NEDD4L: variants seen among roughly 807,000 people sequenced by gnomAD.
The protein encoded by NEDD4L is E3 ubiquitin-protein ligase NEDD4-like.
Under a neutral mutation model 148.9 loss-of-function variants are expected in NEDD4L, and 54 were observed. That is an observed-to-expected ratio of 0.36 (90% CI 0.29 to 0.45). NEDD4L has a LOEUF of 0.45. Among genes scored for constraint, NEDD4L ranks in the 20% least tolerant of loss-of-function variants. The pLI, the probability that NEDD4L is intolerant of heterozygous loss-of-function variation, is 1.00. For missense variants in NEDD4L, 856 were observed against 1,233.8 expected (o/e 0.69, Z 4.59); for synonymous variants, 433 against 440.7 (o/e 0.98, Z 0.22).
intron 17 of NEDD4L, 96 bp from the exon 18 acceptor site, chr18:58,350,895 A>G: frequency 1.1e-6 from 1 of 889,612 alleles, no homozygotes; most frequent in Non-Finnish European, 1.8e-6. Context: ...AGAAAAGAGT[A>G]CAGAGGTGTT....
intron 1 of NEDD4L, among the ~76,000 whole-genome samples, chr18:58,088,265 G>A (rs922968884): frequency 5.3e-5 from 8 of 152,298 alleles, no homozygotes; most frequent in East Asian, 3.9e-4. Context: ...TGGGTTACAC[G>A]TCAGCATTAT....
chr18:58,117,836 C>G (rs1236862656), intron 1 of NEDD4L, among the ~76,000 whole-genome samples: 2 of 152,208 alleles, frequency 1.3e-5, no homozygotes, highest in Non-Finnish European at 2.9e-5. Flanking sequence ...CCTATATACT[C>G]CATGACATGG....
chr18:58,203,275 A>C (rs13313677), intron 2 of NEDD4L, among the ~76,000 whole-genome samples: 9,047 of 152,254 alleles, frequency 0.059, 865 homozygotes, highest in African/African-American at 0.21. Context: ...CCCTCAGTGC[A>C]TACTTAGATA....
At chr18:58,183,670 TC>T (rs1221927729) in intron 2 of NEDD4L, among the ~76,000 whole-genome samples, 5 of 152,248 alleles carry the variant, frequency 3.3e-5, no homozygotes, top group Non-Finnish European at 7.3e-5. Flanking sequence ...AATAGCTTTT[TC>T]GTGCACTTGT....
chr18:58,269,404 A>C (rs1221287908), intron 5 of NEDD4L, among the ~76,000 whole-genome samples: 1 of 151,978 alleles, frequency 6.6e-6, no homozygotes, highest in Non-Finnish European at 1.5e-5. Context: ...CCGCAGCAAA[A>C]AGGATTAGGT....
chr18:58,158,756 G>A (rs2035825278), intron 1 of NEDD4L, among the ~76,000 whole-genome samples: 1 of 152,150 alleles, frequency 6.6e-6, no homozygotes, highest in Non-Finnish European at 1.5e-5. Context: ...GCCTCTGTCG[G>A]TGTCATCTGG....
At chr18:58,186,574 T>C (rs1343110618) in intron 2 of NEDD4L, among the ~76,000 whole-genome samples, 2 of 152,246 alleles carry the variant, frequency 1.3e-5, no homozygotes, top group African/African-American at 2.4e-5. Context: ...ACCTACTGTA[T>C]TTTGAGACAC....
intron 5 of NEDD4L, among the ~76,000 whole-genome samples, chr18:58,272,407 A>G (rs535116457): frequency 5.9e-5 from 9 of 152,298 alleles, no homozygotes; most frequent in East Asian, 1.9e-4. Flanking sequence ...AGGCCGAGGC[A>G]GATAGATCGT....
At chr18:58,204,926 A>C (rs2041822265) in intron 2 of NEDD4L, among the ~76,000 whole-genome samples, 1 of 152,240 alleles carries the variant, frequency 6.6e-6, no homozygotes, top group African/African-American at 2.4e-5. Context: ...GGGAAAAAAT[A>C]GATCAAAAAA....
At position 58,178,350 on chromosome 18, in the gene NEDD4L, C is replaced by T. The variant is rs140898857; in HGVS notation, c.122+12489C>T. Among the ~76,000 whole-genome samples, 199 of 152,152 alleles carry T rather than the reference C, an allele frequency of 1.3e-3. 1 individual carries two copies. Among genetic ancestry groups the T allele is most frequent in the African/African-American group, 4.6e-3 (189 of 41,502 alleles). On this transcript the variant is annotated intron_variant, in intron 2 of 30. Transcript: ENST00000400345. Reference sequence around the variant, plus strand: ...CAAGGGTAACATGCTTAAAATACAGCGTATGAAGCTTTTGGATATCCACTG... The same window carrying T: ...CAAGGGTAACATGCTTAAAATACAGTGTATGAAGCTTTTGGATATCCACTG...
intron 1 of NEDD4L, among the ~76,000 whole-genome samples, chr18:58,119,970 A>G (rs2086118738): frequency 6.6e-6 from 1 of 152,106 alleles, no homozygotes; most frequent in Non-Finnish European, 1.5e-5. Flanking sequence ...GCAGATTGGC[A>G]CACATCGCAT....
intron 24 of NEDD4L, among the ~76,000 whole-genome samples, chr18:58,374,545 C>T (rs567100350): frequency 7.9e-5 from 12 of 152,016 alleles, no homozygotes; most frequent in African/African-American, 2.2e-4. Flanking sequence ...TTCTCCTGCA[C>T]GGGGACCTTG....
At chr18:58,244,176 G>A (rs1489285270) in intron 2 of NEDD4L, among the ~76,000 whole-genome samples, 1 of 152,124 alleles carries the variant, frequency 6.6e-6, no homozygotes, top group African/African-American at 2.4e-5. Flanking sequence ...CAAAATAAGG[G>A]TTAATAGTCA....
At chr18:58,282,272 G>A (rs1333056582) in intron 5 of NEDD4L, among the ~76,000 whole-genome samples, 1 of 151,858 alleles carries the variant, frequency 6.6e-6, no homozygotes, top group Non-Finnish European at 1.5e-5. Context: ...TCATTAGCTG[G>A]TAAATGCAGT....
chr18:58,217,608 T>C (rs1451228151), intron 2 of NEDD4L, among the ~76,000 whole-genome samples: 1 of 152,198 alleles, frequency 6.6e-6, no homozygotes, highest in Non-Finnish European at 1.5e-5. Context: ...CACGAGTAGC[T>C]GGTATTACAG....
chr18:58,268,669 C>G (rs2050586149), intron 5 of NEDD4L, among the ~76,000 whole-genome samples: 1 of 151,994 alleles, frequency 6.6e-6, no homozygotes, highest in Admixed American at 6.6e-5. Context: ...AATAGACACT[C>G]CTTTGTCTCA....
chr18:58,201,052 G>A (rs1199339929), intron 2 of NEDD4L, among the ~76,000 whole-genome samples: 2 of 152,190 alleles, frequency 1.3e-5, no homozygotes, highest in Non-Finnish European at 2.9e-5. Context: ...AAGAAGATTA[G>A]GCTGGTGCAT....
At chr18:58,253,658 C>T (rs2048177072) in intron 5 of NEDD4L, among the ~76,000 whole-genome samples, 2 of 152,122 alleles carry the variant, frequency 1.3e-5, no homozygotes, top group African/African-American at 2.4e-5. Flanking sequence ...AGTATAATAT[C>T]TCTTGTTTAA....
At chr18:58,074,434 A>ATTTTTTTTT (rs544878321) in intron 1 of NEDD4L, among the ~76,000 whole-genome samples, 1 of 111,762 alleles carries the variant, frequency 8.9e-6, no homozygotes, top group Non-Finnish European at 1.9e-5. Flanking sequence ...AATTTTTTGT[A>ATTTTTTTTT]TTTTTTTTTT....
Sources: gnomAD v4.1 joint callset for allele counts (sites outside exome capture counted in the v4.1 genomes callset) on GRCh38, gnomAD v4.1.1 for gene constraint, MANE v1.5 for transcripts, NCBI Gene and HGNC (gene_info 2026-07-23, HGNC 2026-07-21) for gene names.